The following CSMD1 variants were observed in gnomAD, a reference collection of about 807,000 sequenced individuals.
CSMD1 encodes the protein CUB and sushi domain-containing protein 1.
CSMD1 carries 213 observed loss-of-function variants against 417.5 expected under a neutral mutation model. The observed-to-expected ratio is 0.51, with a 90% confidence interval of 0.46 to 0.57. The LOEUF is 0.57. Among genes scored for constraint, CSMD1 ranks in the 20% least tolerant of loss-of-function variants. The pLI, the probability that CSMD1 is intolerant of heterozygous loss-of-function variation, is 0.00. For synonymous variants in CSMD1, 2,862 were observed against 1,736.8 expected (o/e 1.65, Z -16.11); for missense variants, 6,923 against 4,529.7 (o/e 1.53, Z -15.17).
chr8:4,493,314 G>C (rs1432616156), intron 2 of CSMD1, among the ~76,000 whole-genome samples: 24 of 152,102 alleles, frequency 1.6e-4, no homozygotes, highest in Admixed American at 1.6e-3. Flanking sequence ...GAGAGTTTGT[G>C]CGTGTGTGTG....
At chr8:4,128,989 T>A (rs4602908) in intron 3 of CSMD1, among the ~76,000 whole-genome samples, 66,389 of 149,412 alleles carry the variant, frequency 0.44, 14,833 homozygotes, top group African/African-American at 0.47. Context: ...GGCAGGAGAG[T>A]TGCTTGAACC....
At chr8:4,319,245 C>A (rs1019012487) in intron 3 of CSMD1, among the ~76,000 whole-genome samples, 3 of 152,066 alleles carry the variant, frequency 2.0e-5, no homozygotes, top group Non-Finnish European at 4.4e-5. Flanking sequence ...AGTCATTTTT[C>A]CCTTTTGCTT....
intron 12 of CSMD1, among the ~76,000 whole-genome samples, chr8:3,447,427 G>A (rs1815371773): frequency 6.6e-6 from 1 of 152,284 alleles, no homozygotes; most frequent in South Asian, 2.1e-4. Flanking sequence ...CACTTTAGGA[G>A]GTATTTTTAG....
intron 5 of CSMD1, among the ~76,000 whole-genome samples, chr8:3,761,541 T>C (rs1039286122): frequency 9.3e-5 from 12 of 128,698 alleles, no homozygotes; most frequent in African/African-American, 2.8e-4. Flanking sequence ...AGTTTCACCC[T>C]TTCACCCAGG....
At chr8:4,982,242 G>A (rs1052294725) in intron 1 of CSMD1, among the ~76,000 whole-genome samples, 15 of 152,168 alleles carry the variant, frequency 9.9e-5, no homozygotes, top group Admixed American at 3.3e-4. Context: ...AAGCTGTTGC[G>A]TTTGCAATAA....
chr8:2,995,089 G>A (rs1362180402), intron 54 of CSMD1, among the ~76,000 whole-genome samples: 1 of 152,194 alleles, frequency 6.6e-6, no homozygotes, highest in Non-Finnish European at 1.5e-5. Context: ...AGGACCCTGT[G>A]AAGAGGATGA....
chr8:4,037,401 G>A (rs898939519), intron 3 of CSMD1, among the ~76,000 whole-genome samples: 6 of 152,204 alleles, frequency 3.9e-5, no homozygotes, highest in Non-Finnish European at 8.8e-5. Context: ...CAGCCCAGTG[G>A]CATTATAGAG....
intron 7 of CSMD1, among the ~76,000 whole-genome samples, chr8:3,636,014 C>A (rs919321705): frequency 6.6e-6 from 1 of 152,056 alleles, no homozygotes; most frequent in Non-Finnish European, 1.5e-5. Flanking sequence ...ACACATTGAA[C>A]AGCTGTACAA....
intron 2 of CSMD1, among the ~76,000 whole-genome samples, chr8:4,561,325 G>C (rs972813915): frequency 1.3e-5 from 2 of 152,164 alleles, no homozygotes; most frequent in Non-Finnish European, 2.9e-5. Context: ...AGTGAATCGA[G>C]ATCATGCCAC....
rs539388038 is a variant in CSMD1 at position 3,362,167 on chromosome 8, A to G, written c.3116-2827T>C. ...ATAAACAACCAAAACCACCAACAAAACAAACTAACAACACCAATCTCTGGA... is the reference window on the plus strand; with the variant it reads ...ATAAACAACCAAAACCACCAACAAAGCAAACTAACAACACCAATCTCTGGA... On this transcript the variant is annotated intron_variant, in intron 20 of 69. Coordinates refer to ENST00000635120, the MANE Select transcript of CSMD1 (RefSeq NM_033225.6). Among the ~76,000 whole-genome samples the G allele has an allele frequency of 2.0e-5, 3 of 152,312 alleles. No individual in the cohort carries two copies. The South Asian group carries it at 6.2e-4, about 32-fold the overall frequency.
At chr8:4,127,154 C>A (rs959096810) in intron 3 of CSMD1, among the ~76,000 whole-genome samples, 2 of 152,094 alleles carry the variant, frequency 1.3e-5, no homozygotes, top group African/African-American at 2.4e-5. Flanking sequence ...GCATCTGCTG[C>A]AGAAACAAAG....
chr8:3,899,119 G>A (rs945015071), intron 5 of CSMD1, among the ~76,000 whole-genome samples: 4 of 152,154 alleles, frequency 2.6e-5, no homozygotes, highest in East Asian at 3.9e-4. Context: ...AGTACTGACT[G>A]GCGCCATGTT....
chr8:3,059,919 G>C (rs745447974), intron 49 of CSMD1, among the ~76,000 whole-genome samples: 2 of 152,134 alleles, frequency 1.3e-5, no homozygotes, highest in African/African-American at 2.4e-5. Flanking sequence ...GGAGAAAGGA[G>C]TTTTATCTTA....
In CSMD1 at chr8:4,551,773, G is replaced by A. The variant is rs949099429; in HGVS notation, c.302+85569C>T. Among the ~76,000 whole-genome samples the A allele has an allele frequency of 1.5e-4, 23 of 152,114 alleles. 1 individual carries two copies. Among genetic ancestry groups the A allele is most frequent in the African/African-American group, 5.1e-4 (21 of 41,502 alleles). ...AATCATAGCTCACTGCAACCTCTCA[G>A]GCTGAAATGATCCTCCCACCTCAGC... is the stretch of plus-strand genomic sequence containing the variant. On this transcript the variant is annotated intron_variant, in intron 2 of 69. Transcript: ENST00000635120.
chr8:3,412,557 T>C (rs541731353), intron 12 of CSMD1, among the ~76,000 whole-genome samples: 110 of 152,234 alleles, frequency 7.2e-4, no homozygotes, highest in African/African-American at 2.5e-3. Flanking sequence ...GTTGAATACA[T>C]AGGATATCAC....
At chr8:3,787,645 G>A (rs890444157) in intron 5 of CSMD1, among the ~76,000 whole-genome samples, 7 of 152,084 alleles carry the variant, frequency 4.6e-5, no homozygotes, top group African/African-American at 1.4e-4. Context: ...GGAGAAATAA[G>A]GCAGCTTGGT....
rs1803911089 is a variant in CSMD1 at position 2,965,873 on chromosome 8, T to G, written c.9182A>C (p.Tyr3061Ser). 4 of 1,610,298 alleles carry G rather than the reference T, an allele frequency of 2.5e-6. No individual in the cohort carries two copies. The highest frequency in any genetic ancestry group is 2.2e-5 in the East Asian group (1 of 44,750). Residue 3061 changes from tyrosine (Y) to serine (S), a missense_variant, in exon 59 of 70, where the codon TAT (tyrosine) becomes TCT (serine). Transcript: ENST00000635120. ...CATGACATAGCCTGGGTTACACTGA[T>G]AGCTCACAGTCTTGTTGAAGGTGAA... is the stretch of plus-strand genomic sequence containing the variant. ...TDFTFNKTVSYQCNPGYVMEA... is the reference protein window; with the variant it reads ...TDFTFNKTVSSQCNPGYVMEA...
At chr8:3,268,149 CTGAATGAA>C (rs958111054) in intron 26 of CSMD1, among the ~76,000 whole-genome samples, 5 of 151,898 alleles carry the variant, frequency 3.3e-5, no homozygotes, top group African/African-American at 9.7e-5. Context: ...GAACTGATAT[CTGAATGAA>C]TGAATGAATG....
chr8:3,517,653 A>G (rs1325278603), intron 10 of CSMD1, among the ~76,000 whole-genome samples: 1 of 152,180 alleles, frequency 6.6e-6, no homozygotes, highest in Admixed American at 6.5e-5. Context: ...TTCTGAAAGA[A>G]TTTTGGTCTA....
Sources: allele counts gnomAD v4.1 joint callset (sites outside exome capture counted in the v4.1 genomes callset), GRCh38; gene constraint gnomAD v4.1.1; transcripts MANE v1.5; gene names NCBI Gene and HGNC (gene_info 2026-07-23, HGNC 2026-07-21).